The following SH2B1 variants were observed in gnomAD, a reference collection of about 807,000 sequenced individuals.
SH2B1 encodes the protein SH2B adaptor protein 1, also known as SH2B adapter protein 1.
In SH2B1, 15 loss-of-function variants were observed where a neutral mutation model predicts 62.6. The observed-to-expected ratio is 0.24, with a 90% CI of 0.16 to 0.37. The LOEUF is 0.37. Ranked by LOEUF, SH2B1 falls within the 10% of genes least tolerant of loss-of-function variation. The pLI is 1.00. For synonymous variants in SH2B1, 443 were observed against 438.0 expected, an observed-to-expected ratio of 1.01 and a Z score of -0.14; for missense variants, 925 against 1,015.6, an observed-to-expected ratio of 0.91 and a Z score of 1.21.
At position 28,864,615 on chromosome 16, in the gene SH2B1, T is replaced by G; in HGVS notation, c.-1480T>G. 2.0e-6 allele frequency: 2 copies of G among 985,414 alleles called. No homozygotes were observed. Among genetic ancestry groups the G allele is most frequent in the Middle Eastern group, 1.0e-3 (2 of 1,914 alleles). The allele number at this position is 985,414 out of a possible 1,614,324, so 61.0% of individuals were successfully genotyped here. On this transcript the variant is annotated 5_prime_UTR_variant, in exon 1 of 8. Transcript: ENST00000684370. ...GGTTTGAACAGGAGTCTGAGGTCGC[T>G]GAGGGTTTGGGGAGGCTTTCCTGAG... is the stretch of plus-strand genomic sequence containing the variant.
intron 1 of SH2B1, among the ~76,000 whole-genome samples, chr16:28,851,204 A>G (rs906770541): frequency 2.4e-4 from 36 of 149,668 alleles, no homozygotes; most frequent in African/African-American, 8.1e-4. Context: ...AACCTATCCA[A>G]AACAGGACTC....
At position 28,864,362 on chromosome 16, in the gene SH2B1, G is replaced by A. The variant is rs1962570164; in HGVS notation, c.-1733G>A. ...GGGTCAGCGGGCCTGAAGGGGGCTG[G>A]GTCTGTCTGCGGTGCGGAGGATTGG... On this transcript the variant is annotated 5_prime_UTR_variant, in exon 1 of 8. Coordinates refer to ENST00000684370, the MANE Select transcript of SH2B1 (RefSeq NM_001387430.1). 2.0e-6 allele frequency: 2 copies of A among 991,404 alleles called. No individual in the cohort carries two copies. Among genetic ancestry groups the A allele is most frequent in the African/African-American group, 1.7e-5 (1 of 57,376 alleles). 61.4% of individuals were successfully genotyped at this position (991,404 alleles called of 1,614,324 possible).
At position 28,873,188 on chromosome 16, in the gene SH2B1, G is replaced by T; in HGVS notation, c.1898-259G>T. On this transcript the variant is annotated intron_variant, in intron 7 of 7. Transcript: ENST00000684370. The surrounding 1 kb of genome is among the most constrained non-coding windows in gnomAD (Gnocchi z 4.2). ...CCCCCAGGCCGGGAGCAGGCTGGGA[G>T]CCATGCGGGGGTGTGCGAGGGAGAT... The T allele has an allele frequency of 6.3e-7, 1 of 1,581,398 alleles. No individual in the cohort carries two copies.
chr16:28,857,280 CAA>C (rs35671502), intron 1 of SH2B1, among the ~76,000 whole-genome samples: 23 of 108,468 alleles, frequency 2.1e-4, no homozygotes, highest in Admixed American at 2.1e-4. Flanking sequence ...GACTCTGTCT[CAA>C]AAAAAAAAAA....
In SH2B1 at chr16:28,864,977, C is replaced by A; in HGVS notation, c.-1118C>A. 4.1e-6 allele frequency: 2 copies of A among 486,724 alleles called. No individual in the cohort carries two copies. The highest frequency in any genetic ancestry group is 5.3e-6 in the Non-Finnish European group (2 of 374,374). 30.2% of individuals were successfully genotyped at this position (486,724 alleles called of 1,614,324 possible). A position where few individuals can be genotyped will look rare whatever the true frequency, so the allele number is the denominator to read the frequency against. ...TAGAAAAACGGAGGCTCAGAGAGGACGTGGAATTTGTTCAAGATAACATCG... is the reference window on the plus strand; with the variant it reads ...TAGAAAAACGGAGGCTCAGAGAGGAAGTGGAATTTGTTCAAGATAACATCG... On this transcript the variant is annotated 5_prime_UTR_variant, in exon 1 of 8. Transcript: ENST00000684370.
intron 4 of SH2B1, among the ~76,000 whole-genome samples, chr16:28,870,913 C>T: frequency 6.6e-6 from 1 of 152,034 alleles, no homozygotes. Context: ...TCTTGAACTC[C>T]TGGGCTCAAG....
chr16:28,852,290 A>ATATATATATT lies in SH2B1; in HGVS notation c.-301+5466_-301+5475dup, dbSNP rs1567458165. ...TATATATTTACATATATATATTTACATATATATATTTACATATATATATTT... is the reference window on the plus strand; with the variant it reads ...TATATATTTACATATATATATTTACATATATATATTTATATATATTTACATATATATATTT... On this transcript the variant is annotated intron_variant, in intron 1 of 10. Coordinates refer to the SH2B1 transcript ENST00000322610. Among the ~76,000 whole-genome samples, 36 of 75,564 alleles carry ATATATATATT rather than the reference A, an allele frequency of 4.8e-4. 5 individuals are homozygous for ATATATATATT. The highest frequency in any genetic ancestry group is 2.0e-4 in the Admixed American group (1 of 5,102). 49.6% of individuals were successfully genotyped at this position (75,564 alleles called of 152,430 possible).
chr16:28,848,705 C>T (rs1057130889), intron 1 of SH2B1, among the ~76,000 whole-genome samples: 1 of 137,096 alleles, frequency 7.3e-6, no homozygotes, highest in African/African-American at 2.8e-5. Context: ...CAGAGTCACA[C>T]TCTGTTGCCC....
Position 28,867,322 on chromosome 16 carries a change from C to A in SH2B1, c.940-9C>A, listed in dbSNP as rs375732131. ...AAACACCCAGATCTGTTTCTTTCTC[C>A]TGACTTAGGCCTCTCGGCCCCGACT... On this transcript the variant is annotated splice_polypyrimidine_tract_variant and intron_variant, in intron 1 of 7. Transcript: ENST00000684370. The A allele has an allele frequency of 2.5e-6, 4 of 1,607,404 alleles. No individual in the cohort carries two copies. The highest frequency in any genetic ancestry group is 3.4e-6 in the Non-Finnish European group (4 of 1,174,124).
chr16:28,867,891 C>T (rs575199734), intron 2 of SH2B1, among the ~76,000 whole-genome samples: 5 of 152,310 alleles, frequency 3.3e-5, no homozygotes, highest in Admixed American at 2.0e-4. Context: ...TGCAGCGGCG[C>T]GATCTTGGCT....
At chr16:28,867,213 G>A (rs1962763364) in intron 1 of SH2B1, 118 bp from the exon 2 acceptor site, 4 of 1,200,744 alleles carry the variant, frequency 3.3e-6, no homozygotes, top group Non-Finnish European at 4.8e-6. Context: ...AGAAAGCAGT[G>A]TGACTGCCTT....
chr16:28,852,867 CAT>C (rs1442128625), intron 1 of SH2B1, among the ~76,000 whole-genome samples: 7 of 78,082 alleles, frequency 9.0e-5, no homozygotes, highest in African/African-American at 3.7e-4. Context: ...TATATATTTA[CAT>C]ATATATTTTT....
At chr16:28,852,785 C>CATATATAT (rs1211653870) in intron 1 of SH2B1, among the ~76,000 whole-genome samples, 1 of 41,666 alleles carries the variant, frequency 2.4e-5, no homozygotes, top group African/African-American at 8.8e-5. Flanking sequence ...TATATATTTA[C>CATATATAT]ATATATATTT....
chr16:28,852,580 T>TA (rs1962165178), intron 1 of SH2B1, among the ~76,000 whole-genome samples: 1 of 31,304 alleles, frequency 3.2e-5, no homozygotes, highest in East Asian at 1.5e-3. Flanking sequence ...ACATATATAT[T>TA]TATATATATA....
At chr16:28,852,864 T>TGG (rs1962199777) in intron 1 of SH2B1, among the ~76,000 whole-genome samples, 1 of 68,848 alleles carries the variant, frequency 1.5e-5, no homozygotes, top group African/African-American at 4.9e-5. Context: ...TTATATATAT[T>TGG]TACATATATA....
chr16:28,871,732 T>C, intron 4 of SH2B1, 48 bp from the exon 5 acceptor site: 1 of 1,495,382 alleles, frequency 6.7e-7, no homozygotes, highest in South Asian at 1.1e-5. Context: ...GACAGTCCTT[T>C]AGAAGAGGAA....
intron 2 of SH2B1, among the ~76,000 whole-genome samples, chr16:28,867,709 C>G (rs1358774987): frequency 1.3e-5 from 2 of 152,182 alleles, no homozygotes; most frequent in Admixed American, 1.3e-4. Flanking sequence ...AGTGCAGCAA[C>G]CTGATCATAG....
In SH2B1 at chr16:28,852,491, T is replaced by TACATATATATATAC. The variant is rs1962155635; in HGVS notation, c.-301+5672_-301+5673insATATACACATATAT. ...ATATACATATATATTTATATATACA[T>TACATATATATATAC]ACATATATTTATATATATACACATA... is the stretch of plus-strand genomic sequence containing the variant. On this transcript the variant is annotated intron_variant, in intron 1 of 10. Coordinates refer to the SH2B1 transcript ENST00000322610. 9.0e-5 allele frequency among the ~76,000 whole-genome samples: 2 copies of TACATATATATATAC among 22,268 alleles called. 1 individual carries two copies. The highest frequency in any genetic ancestry group is 1.4e-4 in the Non-Finnish European group (2 of 14,292). 14.6% of individuals were successfully genotyped at this position (22,268 alleles called of 152,430 possible).
rs1332436271 is a variant in SH2B1 at position 28,865,230 on chromosome 16, G to A, written c.-865G>A. The A allele has an allele frequency of 5.1e-6, 5 of 985,448 alleles. No individual in the cohort carries two copies. The African/African-American group carries it at 5.2e-5, about 10-fold the overall frequency. 61.0% of individuals were successfully genotyped at this position (985,448 alleles called of 1,614,324 possible). A position where few individuals can be genotyped will look rare whatever the true frequency, so the allele number is the denominator to read the frequency against. On this transcript the variant is annotated 5_prime_UTR_variant, in exon 1 of 8. Coordinates refer to ENST00000684370, the MANE Select transcript of SH2B1 (RefSeq NM_001387430.1). ...CCAGTTTCTCCTCTGGGGCCCCTGC[G>A]GCCTCTGGCCCCAGACTGAAGGGAT... is the stretch of plus-strand genomic sequence containing the variant.
Sources: gnomAD v4.1 joint callset for allele counts (sites outside exome capture counted in the v4.1 genomes callset) on GRCh38, gnomAD v4.1.1 for gene constraint, Gnocchi (gnomAD v3.1) non-coding constraint, MANE v1.5 for transcripts, NCBI Gene and HGNC (gene_info 2026-07-23, HGNC 2026-07-21) for gene names.